The following LRCH1 variants were observed in gnomAD, a reference collection of about 807,000 sequenced individuals.
LRCH1 encodes the protein leucine-rich repeat and calponin homology domain-containing protein 1.
LRCH1 carries 23 observed loss-of-function variants against 94.9 expected under a neutral mutation model. That is an observed-to-expected ratio of 0.24 (90% CI 0.17 to 0.34). The LOEUF is 0.34. Among genes scored for constraint, LRCH1 ranks in the 10% least tolerant of loss-of-function variants. LRCH1 has a pLI of 1.00. For missense variants in LRCH1, 790 were observed against 945.9 expected (o/e 0.84, Z 2.16); for synonymous variants, 364 against 354.9 (o/e 1.03, Z -0.29).
chr13:46,587,267 T>C (rs545961128), intron 1 of LRCH1, among the ~76,000 whole-genome samples: 1 of 152,330 alleles, frequency 6.6e-6, no homozygotes, highest in Admixed American at 6.5e-5. Context: ...TGTGGCACAC[T>C]TTCTTCAGCC....
chr13:46,714,727 A>G (rs952770396), intron 15 of LRCH1, among the ~76,000 whole-genome samples: 1 of 152,182 alleles, frequency 6.6e-6, no homozygotes, highest in Non-Finnish European at 1.5e-5. Context: ...TGAATAAAAA[A>G]TAATATAGAT....
At chr13:46,609,649 GGT>G (rs994615112) in intron 1 of LRCH1, among the ~76,000 whole-genome samples, 1 of 152,162 alleles carries the variant, frequency 6.6e-6, no homozygotes, top group African/African-American at 2.4e-5. Context: ...CCTGAGTGAA[GGT>G]GTGTGTGTTA....
intron 13 of LRCH1, 137 bp from the exon 14 acceptor site, chr13:46,711,654 A>G (rs898796120): frequency 1.7e-5 from 10 of 592,014 alleles, no homozygotes; most frequent in African/African-American, 1.7e-4. Context: ...TACTGAACAC[A>G]CTAACTAATT....
At chr13:46,692,499 CT>C (rs1248343534) in intron 7 of LRCH1, 36 bp from the exon 8 acceptor site, 3 of 1,407,572 alleles carry the variant, frequency 2.1e-6, no homozygotes, top group Non-Finnish European at 3.0e-6. Context: ...ATTGATAACA[CT>C]TCTCTTGAGT....
intron 6 of LRCH1, 124 bp from the exon 7 acceptor site, chr13:46,689,009 T>G: frequency 1.4e-6 from 1 of 725,806 alleles, no homozygotes; most frequent in East Asian, 2.6e-5. Context: ...TTTGTTGCCT[T>G]ATGGTAATAA....
At chr13:46,593,866 A>G (rs2137967380) in intron 1 of LRCH1, among the ~76,000 whole-genome samples, 1 of 152,346 alleles carries the variant, frequency 6.6e-6, no homozygotes, top group Non-Finnish European at 1.5e-5. Flanking sequence ...TTGGACCACA[A>G]ATAATGATAT....
intron 1 of LRCH1, among the ~76,000 whole-genome samples, chr13:46,566,701 G>A (rs557838495): frequency 5.3e-5 from 8 of 152,194 alleles, no homozygotes; most frequent in Non-Finnish European, 1.2e-4. Flanking sequence ...TAGAGGAAGA[G>A]ACCAGAGAAG....
chr13:46,700,172 T>G (rs1267310775), intron 10 of LRCH1, among the ~76,000 whole-genome samples: 2 of 152,140 alleles, frequency 1.3e-5, no homozygotes, highest in African/African-American at 4.8e-5. Context: ...TAGAGTATAG[T>G]TTTTGTTCCC....
chr13:46,627,702 A>C (rs917065715), intron 1 of LRCH1, among the ~76,000 whole-genome samples: 1 of 152,182 alleles, frequency 6.6e-6, no homozygotes, highest in African/African-American at 2.4e-5. Flanking sequence ...GAGTCTGGCA[A>C]CACTGTTCCT....
At chr13:46,579,316 ACTCT>A (rs2050339165) in intron 1 of LRCH1, among the ~76,000 whole-genome samples, 1 of 151,916 alleles carries the variant, frequency 6.6e-6, no homozygotes, top group South Asian at 2.1e-4. Context: ...TATTTTTCCA[ACTCT>A]TCAGAGAGAT....
chr13:46,748,400 G>A (rs115689400), downstream of LRCH1, among the ~76,000 whole-genome samples: 3,673 of 152,164 alleles, frequency 0.024, 135 homozygotes, highest in African/African-American at 0.079. Context: ...GTACTTAACA[G>A]CCATTTACAA....
intron 1 of LRCH1, among the ~76,000 whole-genome samples, chr13:46,631,416 ATTGAC>A (rs2051016216): frequency 1.3e-5 from 2 of 152,206 alleles, no homozygotes; most frequent in African/African-American, 4.8e-5. Flanking sequence ...ATGAAGCACT[ATTGAC>A]TTATTATGAA....
At chr13:46,558,572 CA>C (rs575874794) in intron 1 of LRCH1, among the ~76,000 whole-genome samples, 41 of 34,394 alleles carry the variant, frequency 1.2e-3, no homozygotes, top group Middle Eastern at 0.014. Context: ...CCTGTGTCTA[CA>C]AAAAAAAAAA....
At chr13:46,620,427 C>G (rs999663834) in intron 1 of LRCH1, among the ~76,000 whole-genome samples, 2 of 151,716 alleles carry the variant, frequency 1.3e-5, no homozygotes, top group African/African-American at 2.4e-5. Context: ...CATGCTATGT[C>G]CACTGTTCCA....
intron 1 of LRCH1, among the ~76,000 whole-genome samples, chr13:46,617,086 C>T (rs952638950): frequency 3.9e-5 from 6 of 152,166 alleles, no homozygotes; most frequent in African/African-American, 1.2e-4. Context: ...TGTATACGTG[C>T]AAGTCACAGG....
At chr13:46,625,371 C>T (rs1438915350) in intron 1 of LRCH1, among the ~76,000 whole-genome samples, 1 of 152,306 alleles carries the variant, frequency 6.6e-6, no homozygotes, top group East Asian at 1.9e-4. Flanking sequence ...AATCCTGGCC[C>T]CCAGGGCGAT....
chr13:46,642,490 T>A (rs2051170914), intron 1 of LRCH1, among the ~76,000 whole-genome samples: 2 of 152,132 alleles, frequency 1.3e-5, no homozygotes, highest in African/African-American at 2.4e-5. Flanking sequence ...GTGATGAGGA[T>A]TACGTGAGGA....
rs539446700 is a variant in LRCH1, at chr13:46,665,956, G to A, written c.453-3074G>A. On this transcript the variant is annotated intron_variant, in intron 2 of 19. Coordinates refer to ENST00000389797, the MANE Select transcript of LRCH1 (RefSeq NM_001164211.2). Reference sequence around the variant, plus strand: ...CTCTCCTGTCTAAATATTTGCTGGAGAGCAAATGGGCTTTTGTGTGCCTGT... The same window carrying A: ...CTCTCCTGTCTAAATATTTGCTGGAAAGCAAATGGGCTTTTGTGTGCCTGT... 3.3e-5 allele frequency among the ~76,000 whole-genome samples: 5 copies of A among 152,326 alleles called. No homozygotes were observed. In the East Asian group the frequency reaches 7.7e-4, roughly 23 times the overall value.
intron 1 of LRCH1, among the ~76,000 whole-genome samples, chr13:46,568,221 C>T (rs1566147378): frequency 6.6e-6 from 1 of 152,182 alleles, no homozygotes; most frequent in Non-Finnish European, 1.5e-5. Context: ...ATAAGTGGCA[C>T]CATCCTAAAT....
Sources: allele counts gnomAD v4.1 joint callset (sites outside exome capture counted in the v4.1 genomes callset), GRCh38; gene constraint gnomAD v4.1.1; transcripts MANE v1.5; gene names NCBI Gene and HGNC (gene_info 2026-07-23, HGNC 2026-07-21).